The following CTNND2 variants were observed in gnomAD, a reference collection of about 807,000 sequenced individuals.
CTNND2 encodes the protein catenin delta-2.
CTNND2 carries 22 observed loss-of-function variants against 144.4 expected under a neutral mutation model. The observed-to-expected ratio is 0.15, with a 90% confidence interval of 0.11 to 0.22. The LOEUF is 0.22. CTNND2 is among the 10% of genes least tolerant of loss of function. CTNND2 has a pLI of 1.00. For missense variants in CTNND2, 1,353 were observed against 1,618.8 expected, an observed-to-expected ratio of 0.84 and a Z score of 2.82; for synonymous variants, 751 against 695.6, an observed-to-expected ratio of 1.08 and a Z score of -1.25.
At chr5:11,342,360 A>C (rs61750720) in intron 9 of CTNND2, among the ~76,000 whole-genome samples, 126 of 152,322 alleles carry the variant, frequency 8.3e-4, no homozygotes, top group African/African-American at 3.0e-3. Context: ...AACGGAACAA[A>C]TCCATGGAGT....
intron 9 of CTNND2, among the ~76,000 whole-genome samples, chr5:11,312,031 ACACACACACT>A (rs1750990690): frequency 7.0e-6 from 1 of 142,738 alleles, no homozygotes; most frequent in Non-Finnish European, 1.5e-5. Context: ...CCTTCACCCC[ACACACACACT>A]CACACACACT....
chr5:11,565,023 C>T lies in CTNND2; in HGVS notation c.208G>A (p.Glu70Lys). Reference sequence around the variant, plus strand: ...CTGGCTACGATCTGCCGTTCAGCCTCCAGCTCTCGGGTCAGCCTTTCAAAC... The same window carrying T: ...CTGGCTACGATCTGCCGTTCAGCCTTCAGCTCTCGGGTCAGCCTTTCAAAC... ...LQFERLTRELEAERQIVASQL... is the reference protein window; with the variant it reads ...LQFERLTRELKAERQIVASQL... Residue 70 changes from glutamate to lysine, a missense_variant, in exon 3 of 22, where the codon GAG (glutamate) becomes AAG (lysine). By Grantham distance (56) the Glu-to-Lys change is moderately conservative. Around this residue, in one of 4 missense-constraint regions of CTNND2, gnomAD observed 708 missense variants for 706.4 expected, o/e 1.00. Coordinates refer to ENST00000304623, the MANE Select transcript of CTNND2 (RefSeq NM_001332.4). The T allele has an allele frequency of 6.2e-7, 1 of 1,614,068 alleles. No individual in the cohort carries two copies. The highest frequency in any genetic ancestry group is 2.2e-5 in the East Asian group (1 of 44,852).
chr5:11,041,235 G>A (rs1744665311), intron 16 of CTNND2, among the ~76,000 whole-genome samples: 1 of 152,080 alleles, frequency 6.6e-6, no homozygotes, highest in Non-Finnish European at 1.5e-5. Context: ...TCATCTGTTG[G>A]TTTTCTTCAT....
At chr5:11,200,338 ATT>A (rs972557426) in intron 10 of CTNND2, among the ~76,000 whole-genome samples, 7 of 152,308 alleles carry the variant, frequency 4.6e-5, no homozygotes, top group African/African-American at 1.7e-4. Flanking sequence ...AATGCAAAAT[ATT>A]TTTGCTGTGT....
chr5:10,987,076 A>G (rs925547737), intron 20 of CTNND2, among the ~76,000 whole-genome samples: 4 of 151,034 alleles, frequency 2.6e-5, no homozygotes, highest in African/African-American at 7.3e-5. Flanking sequence ...CTCATAGCCT[A>G]TTTTCAGCAG....
intron 7 of CTNND2, among the ~76,000 whole-genome samples, chr5:11,365,937 G>A (rs1756942019): frequency 6.6e-6 from 1 of 152,126 alleles, no homozygotes; most frequent in Non-Finnish European, 1.5e-5. Flanking sequence ...GACAATGGCT[G>A]ATTTTGGGAA....
intron 10 of CTNND2, among the ~76,000 whole-genome samples, chr5:11,233,933 A>ACCCTT (rs199867097): frequency 0.02 from 3,021 of 151,926 alleles, 75 homozygotes; most frequent in Admixed American, 0.05. Context: ...GTCATATACC[A>ACCCTT]CCCTTCCCTT....
chr5:11,231,190 C>A (rs1310609309), intron 10 of CTNND2, among the ~76,000 whole-genome samples: 4 of 152,104 alleles, frequency 2.6e-5, no homozygotes, highest in Non-Finnish European at 4.4e-5. Flanking sequence ...TTTTCTGAGG[C>A]ATCTCCAGTC....
intron 11 of CTNND2, among the ~76,000 whole-genome samples, chr5:11,174,394 T>A (rs1258124762): frequency 6.6e-6 from 1 of 152,156 alleles, no homozygotes; most frequent in African/African-American, 2.4e-5. Context: ...GTGGTGAAGG[T>A]AATTTGGTAT....
intron 13 of CTNND2, among the ~76,000 whole-genome samples, 199 bp from the exon 14 acceptor site, chr5:11,111,242 C>T (rs1752936357): frequency 6.6e-6 from 1 of 152,160 alleles, no homozygotes; most frequent in South Asian, 2.1e-4. Context: ...CCTTTTATCC[C>T]CCACAAATAA....
At chr5:11,076,497 C>A (rs1331355575) in intron 16 of CTNND2, among the ~76,000 whole-genome samples, 2 of 152,158 alleles carry the variant, frequency 1.3e-5, no homozygotes, top group Non-Finnish European at 2.9e-5. Flanking sequence ...CTTTTTTAAA[C>A]CTTCCATACT....
chr5:11,099,972 T>C lies in CTNND2; in HGVS notation c.2464-1224A>G, dbSNP rs12514581. ...TGTACTTACAGATATTTTATGTACA[T>C]ACATATATGTGCATGTATATAAATG... On this transcript the variant is annotated intron_variant, in intron 14 of 21. Transcript: ENST00000304623. Among the ~76,000 whole-genome samples, 478 of 151,126 alleles carry C rather than the reference T, an allele frequency of 3.2e-3. 2 individuals are homozygous for C. The highest frequency in any genetic ancestry group is 9.8e-3 in the South Asian group (47 of 4,778).
intron 2 of CTNND2, among the ~76,000 whole-genome samples, chr5:11,632,074 A>G (rs1781442194): frequency 6.6e-6 from 1 of 152,228 alleles, no homozygotes; most frequent in African/African-American, 2.4e-5. Flanking sequence ...TGAACAATTA[A>G]GAGAAGAATG....
chr5:11,123,212 C>T (rs566221718), intron 12 of CTNND2, among the ~76,000 whole-genome samples: 5 of 152,266 alleles, frequency 3.3e-5, no homozygotes, highest in Admixed American at 1.3e-4. Flanking sequence ...TCTGGTCCCA[C>T]AAGGCGTTAG....
chr5:11,443,253 C>CTGTGTGTGGTG (rs149930986), intron 3 of CTNND2, among the ~76,000 whole-genome samples: 5,840 of 65,372 alleles, frequency 0.089, 439 homozygotes, highest in African/African-American at 0.32. Flanking sequence ...TGTGTGTGTG[C>CTGTGTGTGGTG]TGTGTGTGGT....
intron 1 of CTNND2, among the ~76,000 whole-genome samples, chr5:11,858,645 A>G (rs1795357352): frequency 1.3e-5 from 2 of 152,220 alleles, no homozygotes; most frequent in Admixed American, 1.3e-4. Flanking sequence ...ATAAGTAAGA[A>G]CAGGCTGGGC....
intron 10 of CTNND2, among the ~76,000 whole-genome samples, chr5:11,235,542 G>A (rs1422824502): frequency 6.6e-6 from 1 of 152,124 alleles, no homozygotes; most frequent in Non-Finnish European, 1.5e-5. Context: ...ATTTGGGGCT[G>A]GGTGATTCTC....
In CTNND2 at chr5:11,645,996, A is replaced by G. The variant is rs549089918; in HGVS notation, c.175-80940T>C. On this transcript the variant is annotated intron_variant, in intron 2 of 21. Coordinates refer to ENST00000304623, the MANE Select transcript of CTNND2 (RefSeq NM_001332.4). ...CAATATGCATAAATATTCAATATGC[A>G]TAAAACATATGATTCCATTTTATGT... 1.1e-4 allele frequency among the ~76,000 whole-genome samples: 17 copies of G among 152,318 alleles called. 1 individual carries two copies. In the South Asian group the frequency reaches 3.5e-3, roughly 32 times the overall value.
chr5:11,080,687 C>T (rs1437901007), intron 16 of CTNND2, among the ~76,000 whole-genome samples: 1 of 152,168 alleles, frequency 6.6e-6, no homozygotes, highest in Non-Finnish European at 1.5e-5. Flanking sequence ...CATGGATGAA[C>T]CTGGAGGACA....
Sources: allele counts gnomAD v4.1 joint callset (sites outside exome capture counted in the v4.1 genomes callset), GRCh38; gene constraint gnomAD v4.1.1; regional missense constraint gnomAD v4.1.1; transcripts MANE v1.5; gene names NCBI Gene and HGNC (gene_info 2026-07-23, HGNC 2026-07-21).